Variants in LYPD8 observed in about 807,000 individuals in gnomAD.
The protein encoded by LYPD8 is ly6/PLAUR domain-containing protein 8.
A neutral mutation model predicts 1.7 loss-of-function variants in LYPD8; 8 were observed. That is an observed-to-expected ratio of 4.58 (90% CI 2.69 to 8.27). The LOEUF is 8.27. Among genes scored for constraint, LYPD8 ranks in the 30% most tolerant of loss-of-function variants. The pLI, the probability that LYPD8 is intolerant of heterozygous loss-of-function variation, is 0.00. For missense variants in LYPD8, 112 were observed against 102.3 expected, an observed-to-expected ratio of 1.09 and a Z score of -0.41; for synonymous variants, 50 against 43.6, an observed-to-expected ratio of 1.15 and a Z score of -0.58.
intron 6 of LYPD8, among the ~76,000 whole-genome samples, chr1:248,743,577 A>T (rs952524060): frequency 1.1e-4 from 16 of 152,202 alleles, no homozygotes; most frequent in African/African-American, 2.7e-4. Context: ...GCTATAATTG[A>T]CACTTAACAA....
rs150615985 is a variant in LYPD8, at chr1:248,743,953, T to G, written c.475+1189A>C. 3.6e-3 allele frequency among the ~76,000 whole-genome samples: 550 copies of G among 152,338 alleles called. 2 individuals carry two copies. The highest frequency in any genetic ancestry group is 0.013 in the African/African-American group (529 of 41,572). On this transcript the variant is annotated intron_variant, in intron 6 of 6. Coordinates refer to ENST00000590317, the MANE Select transcript of LYPD8 (RefSeq NM_001085474.2). ...ACATCTATTGTATTGAGCCATAGGC[T>G]TTGGAGGTTGTTCTTTAACTTTTTA...
At position 248,739,797 on chromosome 1, in the gene LYPD8, G is replaced by A; in HGVS notation, c.528C>T (p.Ala176=). 1 of 1,551,730 alleles carries A rather than the reference G, an allele frequency of 6.4e-7. No individual in the cohort carries two copies. The highest frequency in any genetic ancestry group is 1.2e-5 in the South Asian group (1 of 84,060). ...VLKGCSNVSN[A]TCQFLSGENK... is the part of the protein sequence containing the mutation. Reference sequence around the variant, plus strand: ...TTTCACCAGACAGGAACTGACAGGTGGCGTTACTGACGTTGGAACAGCCTT... The same window carrying A: ...TTTCACCAGACAGGAACTGACAGGTAGCGTTACTGACGTTGGAACAGCCTT... Residue 176 remains alanine (A), a synonymous_variant, in exon 7 of 7, where the codon GCC becomes GCT. Transcript: ENST00000590317. The surrounding 1 kb of genome is among the most constrained non-coding windows in gnomAD (Gnocchi z 4.3).
intron 5 of LYPD8, among the ~76,000 whole-genome samples, chr1:248,746,518 A>G (rs1662728527): frequency 6.6e-6 from 1 of 152,186 alleles, no homozygotes; most frequent in African/African-American, 2.4e-5. Context: ...AGGAAGAACC[A>G]GGGCTGAGAG....
At position 248,748,288 on chromosome 1, in the gene LYPD8, C is replaced by T; in HGVS notation, c.337+1G>A. On this transcript the variant is annotated splice_donor_variant, in intron 5 of 6. Coordinates refer to ENST00000590317, the MANE Select transcript of LYPD8 (RefSeq NM_001085474.2). LOFTEE classifies it high-confidence loss of function. ...GCATCGCCCGCACGGCCAGCACCCA[C>T]CCAGGGCATCGCTGGTGTTGCTGCA... is the stretch of plus-strand genomic sequence containing the variant. The T allele has an allele frequency of 4.3e-6, 2 of 466,828 alleles. No individual in the cohort carries two copies. Among genetic ancestry groups the T allele is most frequent in the South Asian group, 4.2e-5 (1 of 24,040 alleles). The allele number at this position is 466,828 out of a possible 1,614,324, so 28.9% of individuals were successfully genotyped here.
In LYPD8 at chr1:248,739,716, G is replaced by C; in HGVS notation, c.609C>G (p.Ser203Arg). The C allele has an allele frequency of 1.3e-6, 2 of 1,551,718 alleles. No individual in the cohort carries two copies. The highest frequency in any genetic ancestry group is 1.7e-6 in the Non-Finnish European group (2 of 1,146,994). Residue 203 changes from serine to arginine, a missense_variant, in exon 7 of 7, where the codon AGC becomes AGG. Coordinates refer to ENST00000590317, the MANE Select transcript of LYPD8 (RefSeq NM_001085474.2). The surrounding 1 kb of genome is among the most constrained non-coding windows in gnomAD (Gnocchi z 4.3). The part of the protein sequence containing the change: ...FRKFECANVN[S>R]LTPTSAPTTS... ...TGGTTGGTGCAGACGTGGGGGTTAA[G>C]CTGTTTACATTTGCACACTCAAACT...
At chr1:248,742,082 G>A (rs1416036519) in intron 6 of LYPD8, among the ~76,000 whole-genome samples, 3 of 152,234 alleles carry the variant, frequency 2.0e-5, no homozygotes, top group African/African-American at 7.2e-5. Context: ...ACACCAAGGG[G>A]GAACCTTAAT....
intron 2 of LYPD8, among the ~76,000 whole-genome samples, chr1:248,752,127 G>C (rs1455491655): frequency 6.6e-6 from 1 of 152,060 alleles, no homozygotes; most frequent in African/African-American, 2.4e-5. Context: ...TTCGAGGGTA[G>C]ATAAAATGAA....
At chr1:248,752,847 A>C (rs1662835180) in intron 2 of LYPD8, among the ~76,000 whole-genome samples, 3 of 111,494 alleles carry the variant, frequency 2.7e-5, no homozygotes, top group Non-Finnish European at 3.5e-5. Context: ...CCCCACACAC[A>C]CACACCACAC....
chr1:248,754,785 T>C (rs1422602494), intron 2 of LYPD8, among the ~76,000 whole-genome samples: 2 of 152,046 alleles, frequency 1.3e-5, no homozygotes, highest in African/African-American at 2.4e-5. Flanking sequence ...GCACATCTGG[T>C]CTGGAGCTTG....
chr1:248,754,042 CAT>C (rs1238564751), intron 2 of LYPD8, among the ~76,000 whole-genome samples: 1 of 148,870 alleles, frequency 6.7e-6, no homozygotes, highest in Non-Finnish European at 1.5e-5. Context: ...CCACACATCA[CAT>C]GTCACAAACA....
At chr1:248,753,042 A>C (rs1662845241) in intron 2 of LYPD8, among the ~76,000 whole-genome samples, 1 of 88,076 alleles carries the variant, frequency 1.1e-5, no homozygotes, top group South Asian at 4.1e-4. Context: ...CACACCACAC[A>C]CACATCACAC....
At chr1:248,745,639 A>G (rs1662716984) in intron 5 of LYPD8, among the ~76,000 whole-genome samples, 1 of 152,248 alleles carries the variant, frequency 6.6e-6, no homozygotes, top group Non-Finnish European at 1.5e-5. Context: ...CCTGCTCTGA[A>G]CAAATGAACA....
intron 2 of LYPD8, among the ~76,000 whole-genome samples, chr1:248,752,888 ATACACACATCACACACACC>A (rs1662837989): frequency 1.2e-5 from 1 of 83,902 alleles, no homozygotes; most frequent in Non-Finnish European, 2.3e-5. Context: ...CACACAACAC[ATACACACATCACACACACC>A]CCACACACCA....
intron 6 of LYPD8, among the ~76,000 whole-genome samples, chr1:248,740,977 G>A (rs547177481): frequency 2.6e-5 from 4 of 152,344 alleles, no homozygotes; most frequent in Admixed American, 1.3e-4. Context: ...TTATCCAGGG[G>A]TGGTGGCACA....
At chr1:248,745,318 A>T (rs916662224) in intron 5 of LYPD8, 39 bp from the exon 6 acceptor site, 3 of 398,318 alleles carry the variant, frequency 7.5e-6, no homozygotes, top group African/African-American at 6.2e-5. Context: ...CAGTGTTATC[A>T]TACAGAACAT....
At chr1:248,744,616 C>T (rs140774767) in intron 6 of LYPD8, among the ~76,000 whole-genome samples, 4,851 of 96,698 alleles carry the variant, frequency 0.05, 57 homozygotes, top group East Asian at 0.18. Context: ...AAATGTGGAT[C>T]TCACAATGGG....
At chr1:248,744,975 G>A (rs1168666316) in intron 6 of LYPD8, among the ~76,000 whole-genome samples, 167 bp downstream of exon 6, 3 of 152,060 alleles carry the variant, frequency 2.0e-5, no homozygotes, top group Admixed American at 6.6e-5. Context: ...CAATAGCAGC[G>A]AGCTCAAGGC....
At chr1:248,752,373 C>T (rs1022419670) in intron 2 of LYPD8, among the ~76,000 whole-genome samples, 8 of 151,928 alleles carry the variant, frequency 5.3e-5, no homozygotes, top group Non-Finnish European at 1.2e-4. Flanking sequence ...AAAGCCAGTG[C>T]TCTATTCCAG....
Position 248,748,473 on chromosome 1 carries a change from G to A in LYPD8, c.173-20C>T. ...GTGTCTCTACACAAAGACAAACACA[G>A]ACTGTCAGCCCCTGGTAAGGAGGAG... On this transcript the variant is annotated intron_variant, in intron 4 of 6. Coordinates refer to ENST00000590317, the MANE Select transcript of LYPD8 (RefSeq NM_001085474.2). 2.5e-6 allele frequency: 1 copy of A among 401,464 alleles called. No individual in the cohort carries two copies. Among genetic ancestry groups the A allele is most frequent in the Non-Finnish European group, 4.4e-6 (1 of 228,156 alleles). The allele number at this position is 401,464 out of a possible 1,614,324, so 24.9% of individuals were successfully genotyped here.
Sources: gnomAD v4.1 joint callset for allele counts (sites outside exome capture counted in the v4.1 genomes callset) on GRCh38, gnomAD v4.1.1 for gene constraint, Gnocchi (gnomAD v3.1) non-coding constraint, MANE v1.5 for transcripts, NCBI Gene and HGNC (gene_info 2026-07-23, HGNC 2026-07-21) for gene names.